Variants in XKR4 observed in about 807,000 individuals in gnomAD.
XKR4 encodes XK related 4.
XKR4 carries 12 observed loss-of-function variants against 53.9 expected under a neutral mutation model. The ratio of observed to expected loss-of-function variants is 0.22; its 90% confidence interval spans 0.14 to 0.36. XKR4 has a LOEUF of 0.36. XKR4 is among the 10% of genes least tolerant of loss of function. The pLI, the probability that XKR4 is intolerant of heterozygous loss-of-function variation, is 1.00. For missense variants in XKR4, 799 were observed against 859.5 expected (o/e 0.93, Z 0.88); for synonymous variants, 354 against 362.4 (o/e 0.98, Z 0.26).
intron 2 of XKR4, among the ~76,000 whole-genome samples, chr8:55,384,275 T>C (rs573034211): frequency 6.6e-6 from 1 of 152,150 alleles, no homozygotes; most frequent in Admixed American, 6.5e-5. Context: ...GGAAAAGGCA[T>C]GAGCAAAACC....
At chr8:55,429,516 C>A (rs1239634382) in intron 2 of XKR4, among the ~76,000 whole-genome samples, 1 of 151,962 alleles carries the variant, frequency 6.6e-6, no homozygotes, top group African/African-American at 2.4e-5. Context: ...CAAGACCAGC[C>A]TGGGCAACAT....
chr8:55,103,791 A>G (rs893342470), intron 1 of XKR4, among the ~76,000 whole-genome samples: 28 of 148,618 alleles, frequency 1.9e-4, no homozygotes, highest in Admixed American at 2.0e-4. Context: ...CCACATATTA[A>G]TGATCACTGC....
intron 1 of XKR4, among the ~76,000 whole-genome samples, chr8:55,187,930 C>G (rs917140664): frequency 2.0e-5 from 3 of 152,138 alleles, no homozygotes; most frequent in Non-Finnish European, 4.4e-5. Context: ...CTTTTGCAAA[C>G]ATTTAAAGAT....
At chr8:55,210,486 T>A (rs1334914357) in intron 1 of XKR4, among the ~76,000 whole-genome samples, 3 of 152,244 alleles carry the variant, frequency 2.0e-5, no homozygotes, top group African/African-American at 7.2e-5. Flanking sequence ...AATGTAAATA[T>A]TTTTTATGAC....
At chr8:55,181,338 A>G (rs766608982) in intron 1 of XKR4, among the ~76,000 whole-genome samples, 11 of 152,180 alleles carry the variant, frequency 7.2e-5, no homozygotes, top group Non-Finnish European at 1.5e-4. Flanking sequence ...TCTATGTGTC[A>G]CTCTGATAAC....
chr8:55,338,766 A>G (rs537602803), intron 1 of XKR4, among the ~76,000 whole-genome samples: 1 of 152,324 alleles, frequency 6.6e-6, no homozygotes, highest in South Asian at 2.1e-4. Context: ...AAGCTCCTCA[A>G]CCAAATTAAG....
intron 1 of XKR4, among the ~76,000 whole-genome samples, chr8:55,347,758 G>T (rs1335122781): frequency 6.6e-6 from 1 of 152,112 alleles, no homozygotes; most frequent in African/African-American, 2.4e-5. Flanking sequence ...CATGCTCATG[G>T]CATATTTCAT....
chr8:55,523,120 C>A (rs932848876), intron 2 of XKR4, among the ~76,000 whole-genome samples, 161 bp from the exon 3 acceptor site: 4 of 141,862 alleles, frequency 2.8e-5, no homozygotes, highest in African/African-American at 1.1e-4. Context: ...CCAGTCTGGG[C>A]AACAGAGCGA....
At position 55,516,176 on chromosome 8, in the gene XKR4, GT is replaced by G. The variant is rs552449841; in HGVS notation, c.1007-7103del. Reference sequence around the variant, plus strand: ...CAAAGCAAGGGCCCAACAAATGCTTGTTCCTTCTTAATTTGTCTATGATTAT... The same window carrying G: ...CAAAGCAAGGGCCCAACAAATGCTTGTCCTTCTTAATTTGTCTATGATTAT... On this transcript the variant is annotated intron_variant, in intron 2 of 2. Coordinates refer to ENST00000327381, the MANE Select transcript of XKR4 (RefSeq NM_052898.2). 3.1e-3 allele frequency among the ~76,000 whole-genome samples: 476 copies of G among 152,248 alleles called. 4 individuals are homozygous for G. The highest frequency in any genetic ancestry group is 0.011 in the African/African-American group (446 of 41,542).
At chr8:55,450,359 A>G in intron 2 of XKR4, 1 of 677,952 alleles carries the variant, frequency 1.5e-6, no homozygotes, top group Admixed American at 2.7e-5. Context: ...ACGTTGCTGT[A>G]GGGCCGCAGG....
At chr8:55,285,834 C>CTATA (rs1363744666) in intron 1 of XKR4, among the ~76,000 whole-genome samples, 2 of 152,324 alleles carry the variant, frequency 1.3e-5, no homozygotes, top group East Asian at 3.9e-4. Context: ...TTATCAACCC[C>CTATA]TATACCCCTC....
chr8:55,531,814 G>T lies in XKR4; in HGVS notation c.*7587G>T, dbSNP rs1477805936. 3.9e-5 allele frequency: 6 copies of T among 152,224 alleles called. No individual in the cohort carries two copies. Among genetic ancestry groups the T allele is most frequent in the African/African-American group, 1.4e-4 (6 of 41,454 alleles). The allele number at this position is 152,224 out of a possible 1,614,324, so 9.4% of individuals were successfully genotyped here. ...CTAACTGTATTTCTCCAGCATACTG[G>T]TTATTTAGGAATAACAAATTTCTGG... On this transcript the variant is annotated 3_prime_UTR_variant, in exon 3 of 3. Coordinates refer to ENST00000327381, the MANE Select transcript of XKR4 (RefSeq NM_052898.2).
At chr8:55,507,675 A>C (rs982307406) in intron 2 of XKR4, among the ~76,000 whole-genome samples, 30 of 152,118 alleles carry the variant, frequency 2.0e-4, no homozygotes, top group African/African-American at 7.0e-4. Flanking sequence ...AAAGGACATG[A>C]ACTCATCATT....
chr8:55,389,399 T>A (rs1804411646), intron 2 of XKR4, among the ~76,000 whole-genome samples: 1 of 152,204 alleles, frequency 6.6e-6, no homozygotes, highest in Admixed American at 6.5e-5. Flanking sequence ...ATTTATATAA[T>A]GTTCAGAAGG....
chr8:55,373,310 G>A (rs1804099600), intron 2 of XKR4, among the ~76,000 whole-genome samples: 1 of 152,112 alleles, frequency 6.6e-6, no homozygotes. Flanking sequence ...GGGATTACAG[G>A]CATGCACCAC....
At chr8:55,285,065 G>A (rs1818891109) in intron 1 of XKR4, among the ~76,000 whole-genome samples, 1 of 152,186 alleles carries the variant, frequency 6.6e-6, no homozygotes, top group Non-Finnish European at 1.5e-5. Flanking sequence ...ATATCACACT[G>A]CTGTTCACAA....
chr8:55,264,156 T>A (rs1818568004), intron 1 of XKR4, among the ~76,000 whole-genome samples: 1 of 152,182 alleles, frequency 6.6e-6, no homozygotes, highest in Non-Finnish European at 1.5e-5. Context: ...CCTGCTGTTC[T>A]CACTGGCTGG....
intron 2 of XKR4, among the ~76,000 whole-genome samples, chr8:55,406,052 A>C (rs1287234187): frequency 6.6e-6 from 1 of 152,230 alleles, no homozygotes; most frequent in African/African-American, 2.4e-5. Flanking sequence ...GACCCTGATC[A>C]ATGATGAGAT....
intron 2 of XKR4, among the ~76,000 whole-genome samples, chr8:55,466,266 A>G (rs1352443147): frequency 6.6e-6 from 1 of 152,184 alleles, no homozygotes; most frequent in Non-Finnish European, 1.5e-5. Flanking sequence ...GACTGGATGA[A>G]GAAAATGTGG....
Sources: gnomAD v4.1 joint callset for allele counts (sites outside exome capture counted in the v4.1 genomes callset) on GRCh38, gnomAD v4.1.1 for gene constraint, MANE v1.5 for transcripts, NCBI Gene and HGNC (gene_info 2026-07-23, HGNC 2026-07-21) for gene names.